The following NKAIN3 variants were observed in gnomAD, a reference collection of about 807,000 sequenced individuals.
NKAIN3 encodes sodium/potassium-transporting ATPase subunit beta-1-interacting protein 3.
NKAIN3 carries 25 observed loss-of-function variants against 30.2 expected under a neutral mutation model. The ratio of observed to expected loss-of-function variants is 0.83; its 90% CI spans 0.60 to 1.16. The LOEUF (loss-of-function observed/expected upper bound fraction) is 1.16, where lower values mean the gene tolerates loss of function less well. Among genes scored for constraint, NKAIN3 ranks in the 50% most tolerant of loss-of-function variants. The pLI, the probability that NKAIN3 is intolerant of heterozygous loss-of-function variation, is 0.00. For synonymous variants in NKAIN3, 91 were observed against 89.6 expected (o/e 1.02, Z -0.09); for missense variants, 225 against 254.1 (o/e 0.89, Z 0.78).
At chr8:62,616,357 C>T (rs896975145) in intron 3 of NKAIN3, among the ~76,000 whole-genome samples, 1 of 152,072 alleles carries the variant, frequency 6.6e-6, no homozygotes, top group African/African-American at 2.4e-5. Context: ...GTTCTCTCGA[C>T]CACTCCTCAG....
intron 5 of NKAIN3, among the ~76,000 whole-genome samples, chr8:62,934,197 C>T (rs902305869): frequency 6.6e-6 from 1 of 151,078 alleles, no homozygotes; most frequent in African/African-American, 2.5e-5. Flanking sequence ...CCAGTCTGGG[C>T]GACATGGTGA....
intron 6 of NKAIN3, 68 bp from the exon 7 acceptor site, chr8:62,965,286 A>G (rs1823678427): frequency 1.0e-6 from 1 of 985,734 alleles, no homozygotes; most frequent in Non-Finnish European, 1.2e-6. Flanking sequence ...AAAGGCCTCA[A>G]TGAATATAAA....
chr8:62,785,062 C>T (rs938826300), intron 4 of NKAIN3, among the ~76,000 whole-genome samples: 1 of 152,082 alleles, frequency 6.6e-6, no homozygotes, highest in Non-Finnish European at 1.5e-5. Context: ...AGTTTCTCAA[C>T]AAATTAAATA....
In NKAIN3 at chr8:62,450,071, A is replaced by T. The variant is rs543748345; in HGVS notation, c.55-129468A>T. On this transcript the variant is annotated intron_variant, in intron 1 of 6. Coordinates refer to ENST00000623646, the MANE Select transcript of NKAIN3 (RefSeq NM_001304533.3). Reference sequence around the variant, plus strand: ...GCTAAAGAAAGTTATAGCTTTTGCTAAAAACATACATAAGGATATTGGCAA... The same window carrying T: ...GCTAAAGAAAGTTATAGCTTTTGCTTAAAACATACATAAGGATATTGGCAA... 2.3e-4 allele frequency among the ~76,000 whole-genome samples: 35 copies of T among 152,328 alleles called. 1 individual carries two copies. In the East Asian group the frequency reaches 6.0e-3, roughly 26 times the overall value.
At position 62,966,804 on chromosome 8, in the gene NKAIN3, T is replaced by C. The variant is rs1424439987; in HGVS notation, c.*1397T>C. Among the ~76,000 whole-genome samples, 1 of 152,240 alleles carries C rather than the reference T, an allele frequency of 6.6e-6. No homozygotes were observed. Among genetic ancestry groups the C allele is most frequent in the African/African-American group, 2.4e-5 (1 of 41,466 alleles). On this transcript the variant is annotated 3_prime_UTR_variant, in exon 7 of 7. Coordinates refer to ENST00000623646, the MANE Select transcript of NKAIN3 (RefSeq NM_001304533.3). ...AAGTTGTGAATATGTGGTTATTAAC[T>C]CAGCCCATGCATCTCTAAGAAGTCC...
At chr8:62,318,261 A>G (rs1306772022) in intron 1 of NKAIN3, among the ~76,000 whole-genome samples, 1 of 152,080 alleles carries the variant, frequency 6.6e-6, no homozygotes, top group African/African-American at 2.4e-5. Flanking sequence ...CTAATTGAAT[A>G]CCCTTTATTT....
intron 1 of NKAIN3, among the ~76,000 whole-genome samples, chr8:62,328,346 CT>C (rs1428168732): frequency 6.6e-6 from 1 of 152,012 alleles, no homozygotes; most frequent in Non-Finnish European, 1.5e-5. Flanking sequence ...CTTAACGGAC[CT>C]GCTATTTCAG....
intron 4 of NKAIN3, among the ~76,000 whole-genome samples, chr8:62,805,933 A>G (rs1818264793): frequency 6.6e-6 from 1 of 152,198 alleles, no homozygotes; most frequent in South Asian, 2.1e-4. Flanking sequence ...CAGAATCTAC[A>G]ATGAACTCAA....
At chr8:62,527,882 G>GGT (rs68020312) in intron 1 of NKAIN3, among the ~76,000 whole-genome samples, 5,458 of 143,742 alleles carry the variant, frequency 0.038, 121 homozygotes, top group African/African-American at 0.054. Flanking sequence ...ACTTTTTTTT[G>GGT]GTGTGTGTGT....
At chr8:62,488,020 C>T (rs1806954791) in intron 1 of NKAIN3, among the ~76,000 whole-genome samples, 1 of 152,178 alleles carries the variant, frequency 6.6e-6, no homozygotes, top group East Asian at 1.9e-4. Flanking sequence ...TGGTCCATTT[C>T]ATTGTTGGTA....
chr8:62,859,224 C>T (rs1310769433), intron 4 of NKAIN3, among the ~76,000 whole-genome samples: 1 of 152,122 alleles, frequency 6.6e-6, no homozygotes, highest in African/African-American at 2.4e-5. Context: ...ATCGCCCTAC[C>T]CTGCTTTTCT....
intron 4 of NKAIN3, among the ~76,000 whole-genome samples, chr8:62,823,345 G>A (rs1456998638): frequency 6.6e-6 from 1 of 151,992 alleles, no homozygotes; most frequent in Non-Finnish European, 1.5e-5. Context: ...ATATACAAAA[G>A]CAAGGGAAAC....
chr8:62,957,595 G>A (rs546561504), intron 6 of NKAIN3, among the ~76,000 whole-genome samples: 1 of 152,238 alleles, frequency 6.6e-6, no homozygotes, highest in East Asian at 1.9e-4. Flanking sequence ...TTAAATGCAT[G>A]TTATGAAATG....
At chr8:62,806,555 C>G (rs1255270156) in intron 4 of NKAIN3, among the ~76,000 whole-genome samples, 1 of 151,950 alleles carries the variant, frequency 6.6e-6, no homozygotes, top group Non-Finnish European at 1.5e-5. Flanking sequence ...ATCAGAAGGA[C>G]AAAAAACCAA....
At chr8:62,793,233 G>T (rs890495771) in intron 4 of NKAIN3, among the ~76,000 whole-genome samples, 1 of 151,920 alleles carries the variant, frequency 6.6e-6, no homozygotes, top group African/African-American at 2.4e-5. Context: ...CCAAGAACAA[G>T]AGTTGGACTC....
In NKAIN3 at chr8:62,965,996, C is replaced by G; in HGVS notation, c.*589C>G. The G allele has an allele frequency of 1.0e-6, 1 of 984,342 alleles. No homozygotes were observed. Among genetic ancestry groups the G allele is most frequent in the Non-Finnish European group, 1.2e-6 (1 of 829,032 alleles). The allele number at this position is 984,342 out of a possible 1,614,324, so 61.0% of individuals were successfully genotyped here. On this transcript the variant is annotated 3_prime_UTR_variant, in exon 7 of 7. Coordinates refer to ENST00000623646, the MANE Select transcript of NKAIN3 (RefSeq NM_001304533.3). ...CTTAAAACCCAGAACGATATTATGG[C>G]AATCTAAATTTTCAGATTCGTGCAT...
chr8:62,768,824 G>T (rs1816930287), intron 4 of NKAIN3, among the ~76,000 whole-genome samples: 1 of 152,136 alleles, frequency 6.6e-6, no homozygotes, highest in Non-Finnish European at 1.5e-5. Flanking sequence ...GAATGCAGCA[G>T]ACTGTTATTT....
At chr8:62,522,900 TTAAC>T in intron 1 of NKAIN3, among the ~76,000 whole-genome samples, 1 of 152,196 alleles carries the variant, frequency 6.6e-6, no homozygotes, top group South Asian at 2.1e-4. Flanking sequence ...TAAGCTAAGG[TTAAC>T]TTATTACTGA....
At position 62,969,774 on chromosome 8, in the gene NKAIN3, G is replaced by C. The variant is rs574896246; in HGVS notation, c.*4367G>C. Reference sequence around the variant, plus strand: ...GTAACCTTTGTTTGATAGAAGGTCTGTTGAAGTGTCTAAGAACCATGTTGA... The same window carrying C: ...GTAACCTTTGTTTGATAGAAGGTCTCTTGAAGTGTCTAAGAACCATGTTGA... On this transcript the variant is annotated 3_prime_UTR_variant, in exon 7 of 7. Transcript: ENST00000623646. Among the ~76,000 whole-genome samples, 6 of 152,284 alleles carry C rather than the reference G, an allele frequency of 3.9e-5. No individual in the cohort carries two copies. The highest frequency in any genetic ancestry group is 8.8e-5 in the Non-Finnish European group (6 of 68,020).
Sources: gnomAD v4.1 joint callset for allele counts (sites outside exome capture counted in the v4.1 genomes callset) on GRCh38, gnomAD v4.1.1 for gene constraint, MANE v1.5 for transcripts, NCBI Gene and HGNC (gene_info 2026-07-23, HGNC 2026-07-21) for gene names.